The following CFAP263 variants were observed in gnomAD, a reference collection of about 807,000 sequenced individuals.
The protein encoded by CFAP263 is cilia- and flagella-associated protein 263.
the CFAP263 span, among the ~76,000 whole-genome samples, chr16:58,268,491 G>C: frequency 2.0e-5 from 3 of 152,312 alleles, no homozygotes; most frequent in East Asian, 3.9e-4. Flanking sequence ...GTAGTGGCTA[G>C]AGAGGACCAC....
At chr16:58,280,715 C>G in the CFAP263 span, 3 of 1,613,518 alleles carry the variant, frequency 1.9e-6, no homozygotes, top group Non-Finnish European at 2.5e-6. Context: ...ACCCACAGAT[C>G]GAACTGCTGT....
chr16:58,255,153 C>T, the CFAP263 span, among the ~76,000 whole-genome samples: 1 of 152,178 alleles, frequency 6.6e-6, no homozygotes, highest in African/African-American at 2.4e-5. Context: ...AATGGTGCAG[C>T]CTTCGGTCCG....
At chr16:58,254,194 AGGCTCC>A in the CFAP263 span, 1 of 1,611,822 alleles carries the variant, frequency 6.2e-7, no homozygotes, top group Non-Finnish European at 8.5e-7. Flanking sequence ...TGTCCTGCCC[AGGCTCC>A]CCACCTCTAC....
the CFAP263 span, among the ~76,000 whole-genome samples, chr16:58,259,455 C>G: frequency 6.6e-6 from 1 of 152,118 alleles, no homozygotes; most frequent in Admixed American, 6.6e-5. Context: ...GAGATTTTTA[C>G]AACACGTCAA....
At chr16:58,280,683 G>A in the CFAP263 span, 17 of 1,614,000 alleles carry the variant, frequency 1.1e-5, 1 homozygote, top group South Asian at 7.7e-5. Flanking sequence ...TCTCACCACC[G>A]AAGTTCAGGA....
the CFAP263 span, chr16:58,279,745 C>T: frequency 6.2e-7 from 1 of 1,612,910 alleles, no homozygotes; most frequent in South Asian, 1.1e-5. Context: ...AACCAATGAG[C>T]AGTTGCAGGC....
At chr16:58,267,456 CTT>C in the CFAP263 span, 148,632 of 1,526,100 alleles carry the variant, frequency 0.097, 7,967 homozygotes, top group East Asian at 0.13. Context: ...TAGCTCAAGA[CTT>C]GCTGTGTTGT....
chr16:58,273,519 T>A, the CFAP263 span, among the ~76,000 whole-genome samples: 3 of 152,220 alleles, frequency 2.0e-5, no homozygotes. Context: ...ATTCCAGATT[T>A]TCTATGTTTT....
At chr16:58,253,599 G>A in the CFAP263 span, among the ~76,000 whole-genome samples, 2 of 152,016 alleles carry the variant, frequency 1.3e-5, no homozygotes, top group African/African-American at 4.8e-5. Flanking sequence ...AGTCCAAGAT[G>A]TTTGTTTGTC....
At chr16:58,277,777 G>A in the CFAP263 span, among the ~76,000 whole-genome samples, 1 of 152,218 alleles carries the variant, frequency 6.6e-6, no homozygotes, top group Admixed American at 6.5e-5. Context: ...ATACTACCAT[G>A]TGTAGGAAAC....
At chr16:58,259,629 A>G in the CFAP263 span, among the ~76,000 whole-genome samples, 1 of 152,220 alleles carries the variant, frequency 6.6e-6, no homozygotes, top group Non-Finnish European at 1.5e-5. Flanking sequence ...CTTGAATTTG[A>G]AAGCAATATA....
the CFAP263 span, chr16:58,262,236 C>T: frequency 2.8e-6 from 2 of 707,388 alleles, no homozygotes; most frequent in Non-Finnish European, 4.8e-6. Flanking sequence ...AACACCATGC[C>T]TGGGACCAAA....
the CFAP263 span, chr16:58,280,122 C>A: frequency 8.3e-7 from 1 of 1,210,678 alleles, no homozygotes; most frequent in Non-Finnish European, 1.2e-6. Flanking sequence ...CCGTGGCAGC[C>A]CCAGTGTGCA....
chr16:58,280,378 C>A, the CFAP263 span: 10 of 1,614,156 alleles, frequency 6.2e-6, no homozygotes, highest in Middle Eastern at 1.6e-4. Flanking sequence ...CTCAGGAGAC[C>A]TGCCTGATTC....
chr16:58,273,908 A>G, the CFAP263 span, among the ~76,000 whole-genome samples: 2 of 152,116 alleles, frequency 1.3e-5, no homozygotes, highest in African/African-American at 4.8e-5. Flanking sequence ...GTACTCTCTA[A>G]TGTTTCTCCT....
At chr16:58,267,268 C>T in the CFAP263 span, among the ~76,000 whole-genome samples, 2 of 152,104 alleles carry the variant, frequency 1.3e-5, no homozygotes, top group South Asian at 4.1e-4. Flanking sequence ...GACTTCTTTG[C>T]CTCTCCAGCT....
the CFAP263 span, chr16:58,252,617 T>A: frequency 4.3e-5 from 38 of 874,182 alleles, no homozygotes; most frequent in African/African-American, 5.4e-4. Flanking sequence ...GTGAGGAAAC[T>A]AAGGCACCAA....
the CFAP263 span, among the ~76,000 whole-genome samples, chr16:58,262,034 C>T: frequency 1.1e-3 from 165 of 152,258 alleles, 1 homozygote; most frequent in African/African-American, 3.3e-3. Flanking sequence ...GTGCGTGACT[C>T]GGTCTTTCTT....
the CFAP263 span, among the ~76,000 whole-genome samples, chr16:58,263,464 G>T: frequency 6.6e-6 from 1 of 152,028 alleles, no homozygotes; most frequent in East Asian, 1.9e-4. Flanking sequence ...TTGCTTCTGG[G>T]CTTGCAAAAC....
Sources: gnomAD v4.1 joint callset for allele counts (sites outside exome capture counted in the v4.1 genomes callset) on GRCh38, gnomAD v4.1.1 for gene constraint, MANE v1.5 for transcripts, NCBI Gene and HGNC (gene_info 2026-07-23, HGNC 2026-07-21) for gene names.